CNTLN: variants seen among roughly 807,000 people sequenced by gnomAD.
CNTLN encodes the protein centlein.
In CNTLN, 212 loss-of-function variants were observed where a neutral mutation model predicts 180.0. That is an observed-to-expected ratio of 1.18 (90% CI 1.05 to 1.32). The LOEUF (loss-of-function observed/expected upper bound fraction) is 1.32, where lower values mean the gene tolerates loss of function less well. Ranked by LOEUF, CNTLN falls within the 40% of genes most tolerant of loss-of-function variation. CNTLN has a pLI of 0.00. For missense variants in CNTLN, 2,095 were observed against 1,610.9 expected, an observed-to-expected ratio of 1.30 and a Z score of -5.14; for synonymous variants, 722 against 563.1, an observed-to-expected ratio of 1.28 and a Z score of -3.99.
intron 18 of CNTLN, among the ~76,000 whole-genome samples, chr9:17,453,776 T>C (rs945741887): frequency 2.6e-5 from 4 of 152,208 alleles, no homozygotes; most frequent in Non-Finnish European, 5.9e-5. Flanking sequence ...TCTCAACTCA[T>C]TGAGGCCTCC....
chr9:17,214,871 A>G (rs906352338), intron 2 of CNTLN, among the ~76,000 whole-genome samples: 2 of 152,198 alleles, frequency 1.3e-5, no homozygotes, highest in African/African-American at 4.8e-5. Flanking sequence ...TGCATTCATT[A>G]CGTAGTCCTC....
Position 17,309,169 on chromosome 9 carries a change from G to C in CNTLN, c.1258G>C (p.Ala420Pro). 4 of 1,610,532 alleles carry C rather than the reference G, an allele frequency of 2.5e-6. No individual in the cohort carries two copies. The South Asian group carries it at 4.4e-5, about 18-fold the overall frequency. ...DQLLQKEQENAKLKEKLQESQ... is the reference protein window; with the variant it reads ...DQLLQKEQENPKLKEKLQESQ... ...GCTATTACAAAAAGAGCAAGAAAATGCTAAGTTAAAAGAAAAACTTCAGGA... is the reference window on the plus strand; with the variant it reads ...GCTATTACAAAAAGAGCAAGAAAATCCTAAGTTAAAAGAAAAACTTCAGGA... The change falls in exon 8 of 26, where the codon GCT (alanine) becomes CCT (proline). Residue 420 changes from alanine to proline, a missense_variant. Transcript: ENST00000380647.
intron 6 of CNTLN, among the ~76,000 whole-genome samples, chr9:17,281,239 C>A (rs10962997): frequency 6.6e-6 from 1 of 151,916 alleles, no homozygotes; most frequent in Non-Finnish European, 1.5e-5. Context: ...TTTTATTACC[C>A]CCATTCCTTT....
At chr9:17,150,280 C>G (rs943167810) in intron 2 of CNTLN, among the ~76,000 whole-genome samples, 5 of 152,062 alleles carry the variant, frequency 3.3e-5, no homozygotes, top group African/African-American at 1.2e-4. Flanking sequence ...TTTTATGGTC[C>G]TAGGTCTTAC....
At chr9:17,145,535 T>C (rs1818396863) in intron 2 of CNTLN, among the ~76,000 whole-genome samples, 1 of 152,232 alleles carries the variant, frequency 6.6e-6, no homozygotes, top group African/African-American at 2.4e-5. Context: ...TTTTAAACCG[T>C]GGACTTCCTG....
chr9:17,325,662 T>A (rs140391121), intron 8 of CNTLN, among the ~76,000 whole-genome samples: 11 of 152,010 alleles, frequency 7.2e-5, no homozygotes, highest in African/African-American at 2.6e-4. Flanking sequence ...ATCATGTGCT[T>A]TTAGAAATGT....
chr9:17,290,061 T>A (rs916559291), intron 6 of CNTLN, among the ~76,000 whole-genome samples: 2 of 152,230 alleles, frequency 1.3e-5, no homozygotes, highest in African/African-American at 2.4e-5. Context: ...AGGAACTGCG[T>A]TCCTTTGGAG....
chr9:17,138,283 TG>T (rs1817855971), intron 1 of CNTLN, among the ~76,000 whole-genome samples: 1 of 152,204 alleles, frequency 6.6e-6, no homozygotes, highest in African/African-American at 2.4e-5. Context: ...AAGAGTAATA[TG>T]TTTATATAGC....
chr9:17,217,347 A>G (rs114070362), intron 2 of CNTLN, among the ~76,000 whole-genome samples: 2,072 of 152,332 alleles, frequency 0.014, 53 homozygotes, highest in African/African-American at 0.048. Flanking sequence ...TCAACATTCC[A>G]TGGGGAAGAA....
chr9:17,222,240 TC>T (rs1363080835), intron 2 of CNTLN, among the ~76,000 whole-genome samples: 1 of 152,122 alleles, frequency 6.6e-6, no homozygotes, highest in African/African-American at 2.4e-5. Context: ...TCTGTGTTTT[TC>T]TTTCTCACTT....
chr9:17,338,112 C>T (rs1471969922), intron 10 of CNTLN, among the ~76,000 whole-genome samples: 2 of 140,572 alleles, frequency 1.4e-5, no homozygotes, highest in South Asian at 2.6e-4. Flanking sequence ...CTGTTAATTT[C>T]CCTCCCTCCT....
chr9:17,376,954 TAA>T (rs1322593779), intron 13 of CNTLN, among the ~76,000 whole-genome samples: 1 of 152,148 alleles, frequency 6.6e-6, no homozygotes, highest in Non-Finnish European at 1.5e-5. Context: ...TCTTTAAGAT[TAA>T]AAACAATTAC....
intron 2 of CNTLN, among the ~76,000 whole-genome samples, chr9:17,225,664 T>C (rs79319930): frequency 0.022 from 3,403 of 152,104 alleles, 129 homozygotes; most frequent in African/African-American, 0.077. Context: ...AGTCATTCTT[T>C]ACAAGTATTG....
At chr9:17,161,584 G>GT (rs1316023109) in intron 2 of CNTLN, among the ~76,000 whole-genome samples, 51 of 152,282 alleles carry the variant, frequency 3.3e-4, no homozygotes, top group African/African-American at 1.1e-3. Context: ...CCAAACTCCA[G>GT]TATCTTTGCC....
At chr9:17,280,030 C>T (rs1587469521) in intron 6 of CNTLN, among the ~76,000 whole-genome samples, 1 of 152,138 alleles carries the variant, frequency 6.6e-6, no homozygotes. Context: ...GAAGAAGGTC[C>T]TCAGCAGATG....
rs149537619 is a variant in CNTLN at position 17,432,644 on chromosome 9, T to C, written c.3114+16455T>C. On this transcript the variant is annotated intron_variant, in intron 18 of 25. Coordinates refer to ENST00000380647, the MANE Select transcript of CNTLN (RefSeq NM_017738.4). Reference sequence around the variant, plus strand: ...TTCTCAAAAGCAATACTAGAAACCATAAGACAGTAGAACAGATCTTCAGTG... The same window carrying C: ...TTCTCAAAAGCAATACTAGAAACCACAAGACAGTAGAACAGATCTTCAGTG... Among the ~76,000 whole-genome samples, 353 of 152,196 alleles carry C rather than the reference T, an allele frequency of 2.3e-3. 1 individual carries two copies. The highest frequency in any genetic ancestry group is 8.1e-3 in the African/African-American group (335 of 41,520).
At chr9:17,478,180 T>C (rs1209949391) in intron 23 of CNTLN, among the ~76,000 whole-genome samples, 2 of 152,260 alleles carry the variant, frequency 1.3e-5, no homozygotes, top group Non-Finnish European at 2.9e-5. Context: ...TGAATGCTTA[T>C]AAACATAACT....
intron 2 of CNTLN, among the ~76,000 whole-genome samples, chr9:17,192,911 G>C (rs1158531232): frequency 6.6e-6 from 1 of 152,138 alleles, no homozygotes; most frequent in Non-Finnish European, 1.5e-5. Flanking sequence ...CAGTTCAGTT[G>C]GACTTACAGT....
chr9:17,463,558 C>T, intron 20 of CNTLN, among the ~76,000 whole-genome samples: 1 of 151,534 alleles, frequency 6.6e-6, no homozygotes, highest in Non-Finnish European at 1.5e-5. Flanking sequence ...AGATAGAATT[C>T]CAGTTGTCAC....
Sources: gnomAD v4.1 joint callset for allele counts (sites outside exome capture counted in the v4.1 genomes callset) on GRCh38, gnomAD v4.1.1 for gene constraint, MANE v1.5 for transcripts, NCBI Gene and HGNC (gene_info 2026-07-23, HGNC 2026-07-21) for gene names.